FRYL: variants seen among roughly 807,000 people sequenced by gnomAD.
FRYL encodes FRY like transcription coactivator, also known as protein furry homolog-like.
In FRYL, 150 loss-of-function variants were observed where a neutral mutation model predicts 351.2. That is an observed-to-expected ratio of 0.43 (90% CI 0.37 to 0.49). The LOEUF is 0.49. Among genes scored for constraint, FRYL ranks in the 20% least tolerant of loss-of-function variants. The pLI, the probability that FRYL is intolerant of heterozygous loss-of-function variation, is 0.00. For missense variants in FRYL, 3,036 were observed against 3,619.3 expected (o/e 0.84, Z 4.13); for synonymous variants, 1,153 against 1,257.1 (o/e 0.92, Z 1.75).
intron 62 of FRYL, among the ~76,000 whole-genome samples, chr4:48,500,871 G>A (rs1168353537): frequency 6.6e-6 from 1 of 152,080 alleles, no homozygotes; most frequent in Non-Finnish European, 1.5e-5. Context: ...GTCACCTGAG[G>A]TCAGGAGTTT....
At chr4:48,501,314 T>C (rs868439981) in intron 62 of FRYL, among the ~76,000 whole-genome samples, 3 of 152,114 alleles carry the variant, frequency 2.0e-5, no homozygotes, top group East Asian at 1.9e-4. Context: ...GCTCAGACTC[T>C]CGAGTAACTA....
At chr4:48,588,798 A>G (rs1350727211) in intron 18 of FRYL, among the ~76,000 whole-genome samples, 1 of 152,130 alleles carries the variant, frequency 6.6e-6, no homozygotes, top group Admixed American at 6.5e-5. Context: ...CTTTTCTCCT[A>G]GTCACCGAGA....
At chr4:48,612,201 T>C (rs1048629477) in intron 7 of FRYL, among the ~76,000 whole-genome samples, 2 of 152,046 alleles carry the variant, frequency 1.3e-5, no homozygotes, top group African/African-American at 4.8e-5. Flanking sequence ...CACTCTTTGT[T>C]AAAATGGTAT....
chr4:48,685,777 G>C (rs559426451), intron 2 of FRYL, among the ~76,000 whole-genome samples: 1 of 151,436 alleles, frequency 6.6e-6, no homozygotes, highest in African/African-American at 2.4e-5. Context: ...TTTTTTGACG[G>C]AGTTTCACTC....
intron 3 of FRYL, among the ~76,000 whole-genome samples, chr4:48,644,403 C>A (rs1332208970): frequency 6.7e-6 from 1 of 149,712 alleles, no homozygotes; most frequent in Non-Finnish European, 1.5e-5. Context: ...TAACTATAAT[C>A]AAGACATATA....
At chr4:48,630,960 C>T (rs544662991) in intron 4 of FRYL, among the ~76,000 whole-genome samples, 3 of 152,180 alleles carry the variant, frequency 2.0e-5, no homozygotes, top group South Asian at 4.1e-4. Flanking sequence ...TAAAAGGGTA[C>T]AGAATAAATT....
intron 1 of FRYL, among the ~76,000 whole-genome samples, chr4:48,712,010 G>C (rs1324935182): frequency 6.6e-6 from 1 of 152,198 alleles, no homozygotes; most frequent in African/African-American, 2.4e-5. Context: ...TGAGGGTCCT[G>C]TCTGTTAGAA....
At chr4:48,777,902 AACGGCCAAGC>A (rs1776196879) in intron 1 of FRYL, among the ~76,000 whole-genome samples, 1 of 152,170 alleles carries the variant, frequency 6.6e-6, no homozygotes, top group Non-Finnish European at 1.5e-5. Context: ...GATTACTACA[AACGGCCAAGC>A]ACGGTGGCTC....
At chr4:48,542,744 A>C (rs1334459313) in intron 44 of FRYL, among the ~76,000 whole-genome samples, 3 of 152,072 alleles carry the variant, frequency 2.0e-5, no homozygotes, top group African/African-American at 7.2e-5. Flanking sequence ...ATACACATTA[A>C]AAATCTGACC....
In FRYL at chr4:48,634,440, G is replaced by T. The variant is rs1275205712; in HGVS notation, c.-30C>A. The T allele has an allele frequency of 2.5e-6, 4 of 1,612,484 alleles. No homozygotes were observed. The highest frequency in any genetic ancestry group is 1.3e-5 in the African/African-American group (1 of 74,962). On this transcript the variant is annotated 5_prime_UTR_variant, in exon 4 of 64. Coordinates refer to ENST00000358350, the MANE Select transcript of FRYL (RefSeq NM_015030.2). ...ATATTTTTTTTTCCCCAAGTGGAAT[G>T]AAAGTTGGAAGAAGCACAGTATTTA...
At chr4:48,769,541 C>G (rs1308084103) in intron 1 of FRYL, among the ~76,000 whole-genome samples, 7 of 152,170 alleles carry the variant, frequency 4.6e-5, no homozygotes, top group Admixed American at 2.6e-4. Flanking sequence ...TCTTATAAAA[C>G]TAAACATACA....
intron 35 of FRYL, among the ~76,000 whole-genome samples, chr4:48,553,663 A>ACC (rs1301122895): frequency 1.3e-5 from 2 of 150,164 alleles, no homozygotes; most frequent in African/African-American, 4.9e-5. Flanking sequence ...AAAAAAAAAA[A>ACC]AAAAAAAAAA....
chr4:48,647,739 T>C (rs980356383), intron 3 of FRYL, among the ~76,000 whole-genome samples: 2 of 152,164 alleles, frequency 1.3e-5, no homozygotes, highest in Non-Finnish European at 2.9e-5. Context: ...ATCCCACTTT[T>C]CAGGGACCAT....
chr4:48,627,076 C>T (rs1751987775), intron 4 of FRYL, among the ~76,000 whole-genome samples: 1 of 152,060 alleles, frequency 6.6e-6, no homozygotes, highest in African/African-American at 2.4e-5. Context: ...CAATAATATA[C>T]TAATATATGT....
chr4:48,638,238 C>A, intron 3 of FRYL: 2 of 152,100 alleles, frequency 1.3e-5, no homozygotes, highest in East Asian at 3.9e-4. Context: ...ATTTATATAA[C>A]AGAAATTTTT....
intron 55 of FRYL, among the ~76,000 whole-genome samples, chr4:48,519,724 A>ATC (rs1307242266): frequency 1.4e-5 from 2 of 143,686 alleles, no homozygotes; most frequent in African/African-American, 2.6e-5. Context: ...GATGGTCTCA[A>ATC]TCTCTCTCTC....
Position 48,553,335 on chromosome 4 carries a change from G to C in FRYL, c.4315C>G (p.Leu1439Val). 1.2e-6 allele frequency: 2 copies of C among 1,612,720 alleles called. No individual in the cohort carries two copies. The highest frequency in any genetic ancestry group is 1.7e-6 in the Non-Finnish European group (2 of 1,179,076). Residue 1439 changes from leucine to valine, a missense_variant, in exon 36 of 64, where the codon CTA becomes GTA. Physicochemically the swap from Leu to Val is conservative, Grantham distance 32. Around this residue, in one of 7 missense-constraint regions of FRYL, gnomAD observed 1,987 missense variants for 2,311.7 expected, o/e 0.86. Coordinates refer to ENST00000358350, the MANE Select transcript of FRYL (RefSeq NM_015030.2). ...TGAAGCTCACTCACCAGCTCTTCTA[G>C]CAACTGCATTGTTTTATCTCTACCT... The part of the protein sequence containing the change: ...YLGRDKTMQL[L>V]EELVSELQLT...
Position 48,553,501 on chromosome 4 carries a change from T to C in FRYL, c.4267-118A>G, listed in dbSNP as rs1739986528. On this transcript the variant is annotated intron_variant, in intron 35 of 63. Transcript: ENST00000358350. ...TTAAGTGGTAGATGAATAAACACAA[T>C]CTAAATCAAAATTAGCACTGATCAA... The C allele has an allele frequency of 4.5e-6, 3 of 665,238 alleles. No individual in the cohort carries two copies. The Admixed American group carries it at 8.4e-5, about 19-fold the overall frequency. The allele number at this position is 665,238 out of a possible 1,614,324, so 41.2% of individuals were successfully genotyped here.
chr4:48,602,505 T>C (rs1214797590), intron 12 of FRYL, among the ~76,000 whole-genome samples: 1 of 152,122 alleles, frequency 6.6e-6, no homozygotes, highest in Non-Finnish European at 1.5e-5. Flanking sequence ...TAAGCCTCAC[T>C]TTCCAAACAC....
Sources: gnomAD v4.1 joint callset for allele counts (sites outside exome capture counted in the v4.1 genomes callset) on GRCh38, gnomAD v4.1.1 for gene constraint, gnomAD v4.1.1 regional missense constraint, MANE v1.5 for transcripts, NCBI Gene and HGNC (gene_info 2026-07-23, HGNC 2026-07-21) for gene names.